The following RGS7 variants were observed in gnomAD, a reference collection of about 807,000 sequenced individuals.
RGS7 encodes the protein regulator of G protein signaling 7, also known as regulator of G-protein signaling 7.
A neutral mutation model predicts 81.1 loss-of-function variants in RGS7; 27 were observed. That is an observed-to-expected ratio of 0.33 (90% confidence interval 0.25 to 0.46). The LOEUF (loss-of-function observed/expected upper bound fraction) is 0.46. Ranked by LOEUF, RGS7 falls within the 20% of genes least tolerant of loss-of-function variation. The probability of loss-of-function intolerance (pLI) is 1.00; values close to 1 mark genes in which losing one functional copy is unlikely to be tolerated. For missense variants in RGS7, 396 were observed against 607.4 expected (o/e 0.65, Z 3.66); for synonymous variants, 208 against 207.7 (o/e 1.00, Z -0.01).
At chr1:241,188,310 C>T (rs1397124012) in intron 2 of RGS7, among the ~76,000 whole-genome samples, 1 of 100,878 alleles carries the variant, frequency 9.9e-6, no homozygotes, top group Non-Finnish European at 2.6e-5. Flanking sequence ...CACACACACA[C>T]ACAAAAAGAG....
chr1:241,204,452 C>A (rs2073742880), intron 2 of RGS7, among the ~76,000 whole-genome samples: 1 of 152,068 alleles, frequency 6.6e-6, no homozygotes, highest in Non-Finnish European at 1.5e-5. Context: ...GGGTATTGGA[C>A]AATTTTCTTA....
intron 4 of RGS7, among the ~76,000 whole-genome samples, chr1:240,944,276 GTGTGTGTATATATATATATATATA>G (rs1678154841): frequency 5.3e-5 from 1 of 18,846 alleles, no homozygotes; most frequent in African/African-American, 1.6e-4. Flanking sequence ...GTGTGTGTGT[GTGTGTGTATATATATATATATATA>G]TATATATATA....
chr1:240,789,116 T>TTCCCCA (rs1685538757), intron 18 of RGS7, among the ~76,000 whole-genome samples: 1 of 152,344 alleles, frequency 6.6e-6, no homozygotes, highest in African/African-American at 2.4e-5. Flanking sequence ...CCCAAATTAA[T>TTCCCCA]ACTTTTATAA....
At chr1:241,293,451 T>A (rs953272470) in intron 2 of RGS7, among the ~76,000 whole-genome samples, 1 of 152,132 alleles carries the variant, frequency 6.6e-6, no homozygotes, top group Non-Finnish European at 1.5e-5. Flanking sequence ...ATTGTTGTCA[T>A]AGGAGATGAC....
At chr1:241,197,782 T>C (rs1289476024) in intron 2 of RGS7, among the ~76,000 whole-genome samples, 1 of 148,934 alleles carries the variant, frequency 6.7e-6, no homozygotes, top group East Asian at 2.0e-4. Context: ...ATATACTTAT[T>C]AACTGATGGA....
intron 2 of RGS7, among the ~76,000 whole-genome samples, chr1:241,154,890 CA>C (rs1417792960): frequency 6.7e-6 from 1 of 149,740 alleles, no homozygotes; most frequent in Non-Finnish European, 1.5e-5. Context: ...GAGCAACCTG[CA>C]AAAAAATAAA....
chr1:241,106,752 C>CACACA (rs1553421292), intron 2 of RGS7, among the ~76,000 whole-genome samples: 4 of 121,644 alleles, frequency 3.3e-5, no homozygotes, highest in African/African-American at 9.9e-5. Flanking sequence ...AACACCACCA[C>CACACA]CACACACACA....
At chr1:241,070,196 G>A (rs74446852) in intron 3 of RGS7, among the ~76,000 whole-genome samples, 7,906 of 152,154 alleles carry the variant, frequency 0.052, 273 homozygotes, top group African/African-American at 0.093. Flanking sequence ...AGCTCACCAG[G>A]AGCAGCAGAG....
intron 3 of RGS7, among the ~76,000 whole-genome samples, chr1:241,059,245 A>G (rs1344804530): frequency 6.6e-6 from 1 of 152,038 alleles, no homozygotes. Flanking sequence ...TTTCCACACT[A>G]TACTCCTTGG....
chr1:241,128,777 CAAAAAAAA>C (rs71172680), intron 2 of RGS7, among the ~76,000 whole-genome samples: 22 of 77,954 alleles, frequency 2.8e-4, no homozygotes, highest in South Asian at 1.8e-3. Context: ...GAATAATAGG[CAAAAAAAA>C]AAAAAAAAAA....
intron 10 of RGS7, 145 bp from the exon 11 acceptor site, chr1:240,816,560 CT>C: frequency 1.6e-6 from 1 of 624,528 alleles, no homozygotes; most frequent in Non-Finnish European, 2.9e-6. Context: ...AAAGGCACTG[CT>C]AAGATAAAAA....
At position 240,934,739 on chromosome 1, in the gene RGS7, T is replaced by C. The variant is rs568996315; in HGVS notation, c.333+1861A>G. ...GCCTATCTATCTCAGCACACTGAAC[T>C]TGACAACTCTCTGTCTATCCCTAGT... On this transcript the variant is annotated intron_variant, in intron 5 of 18. Coordinates refer to ENST00000440928, the MANE Select transcript of RGS7 (RefSeq NM_001364886.1). 6.6e-5 allele frequency among the ~76,000 whole-genome samples: 10 copies of C among 152,270 alleles called. No individual in the cohort carries two copies. In the East Asian group the frequency reaches 1.9e-3, roughly 29 times the overall value.
intron 3 of RGS7, among the ~76,000 whole-genome samples, chr1:241,046,220 CAT>C (rs2060917418): frequency 6.6e-6 from 1 of 152,014 alleles, no homozygotes; most frequent in East Asian, 1.9e-4. Flanking sequence ...GGGTATATTG[CAT>C]AACACTGAGG....
intron 2 of RGS7, among the ~76,000 whole-genome samples, chr1:241,236,095 C>G (rs1431472947): frequency 6.6e-6 from 1 of 151,848 alleles, no homozygotes; most frequent in Admixed American, 6.6e-5. Flanking sequence ...GAAAGCCAAA[C>G]TTTTGAGAAT....
At chr1:241,346,170 A>G (rs755825939) in intron 2 of RGS7, among the ~76,000 whole-genome samples, 4 of 152,058 alleles carry the variant, frequency 2.6e-5, no homozygotes, top group Non-Finnish European at 5.9e-5. Flanking sequence ...TGTCAACAGA[A>G]AATAGAGGTT....
At chr1:240,817,594 C>T (rs1691035654) in intron 10 of RGS7, among the ~76,000 whole-genome samples, 1 of 152,062 alleles carries the variant, frequency 6.6e-6, no homozygotes, top group Non-Finnish European at 1.5e-5. Context: ...GTCTCCCGCC[C>T]TCCGTCCTTT....
chr1:241,175,179 G>C (rs1466111285), intron 2 of RGS7, among the ~76,000 whole-genome samples: 1 of 152,100 alleles, frequency 6.6e-6, no homozygotes, highest in Non-Finnish European at 1.5e-5. Flanking sequence ...TGGGATTACA[G>C]GTATGAGCCA....
At chr1:240,929,205 A>G (rs929759767) in intron 6 of RGS7, among the ~76,000 whole-genome samples, 5 of 152,156 alleles carry the variant, frequency 3.3e-5, no homozygotes, top group African/African-American at 1.2e-4. Context: ...GTTTTTCTCT[A>G]TGAGCTCCCT....
At chr1:241,245,072 C>T (rs546740109) in intron 2 of RGS7, among the ~76,000 whole-genome samples, 13 of 152,052 alleles carry the variant, frequency 8.5e-5, no homozygotes, top group African/African-American at 2.4e-4. Flanking sequence ...CTAACCTGCA[C>T]GTTGTGCACA....
Sources: allele counts gnomAD v4.1 joint callset (sites outside exome capture counted in the v4.1 genomes callset), GRCh38; gene constraint gnomAD v4.1.1; transcripts MANE v1.5; gene names NCBI Gene and HGNC (gene_info 2026-07-23, HGNC 2026-07-21).